FBXL7: variants seen among roughly 807,000 people sequenced by gnomAD.
FBXL7 encodes the protein F-box/LRR-repeat protein 7.
A neutral mutation model predicts 38.3 loss-of-function variants in FBXL7; 12 were observed. The observed-to-expected ratio is 0.31, with a 90% CI of 0.20 to 0.51. The LOEUF (loss-of-function observed/expected upper bound fraction) is 0.51, where lower values mean the gene tolerates loss of function less well. Ranked by LOEUF, FBXL7 falls within the 20% of genes least tolerant of loss-of-function variation. The pLI is 0.98. For missense variants in FBXL7, 567 were observed against 676.4 expected, an observed-to-expected ratio of 0.84 and a Z score of 1.79; for synonymous variants, 297 against 300.9, an observed-to-expected ratio of 0.99 and a Z score of 0.13.
At chr5:15,887,494 T>C (rs566267080) in intron 2 of FBXL7, among the ~76,000 whole-genome samples, 2 of 152,234 alleles carry the variant, frequency 1.3e-5, no homozygotes, top group East Asian at 1.9e-4. Flanking sequence ...GGGATTTAAG[T>C]CTGAGAAAGC....
intron 2 of FBXL7, among the ~76,000 whole-genome samples, chr5:15,674,201 A>C (rs1742578315): frequency 6.6e-6 from 1 of 152,216 alleles, no homozygotes; most frequent in Admixed American, 6.5e-5. Flanking sequence ...GCCTGGGATC[A>C]CGCCAGGCTC....
At chr5:15,567,636 T>G (rs1221593620) in intron 1 of FBXL7, among the ~76,000 whole-genome samples, 1 of 152,032 alleles carries the variant, frequency 6.6e-6, no homozygotes, top group Non-Finnish European at 1.5e-5. Flanking sequence ...AGGGTACATG[T>G]GGACAACGTG....
intron 2 of FBXL7, among the ~76,000 whole-genome samples, chr5:15,649,815 C>G (rs760551647): frequency 3.3e-5 from 5 of 151,746 alleles, no homozygotes; most frequent in Non-Finnish European, 7.4e-5. Context: ...TTCTGATTAT[C>G]TCTAATTTCT....
chr5:15,599,790 CTTGT>C (rs143088196), intron 1 of FBXL7, among the ~76,000 whole-genome samples: 37,924 of 151,940 alleles, frequency 0.25, 4,811 homozygotes, highest in Middle Eastern at 0.33. Context: ...GGTAGGAAAA[CTTGT>C]TTGTTATGTC....
In FBXL7 at chr5:15,828,456, G is replaced by A. The variant is rs974511981; in HGVS notation, c.128-99434G>A. On this transcript the variant is annotated intron_variant, in intron 2 of 3. Transcript: ENST00000504595. Reference sequence around the variant, plus strand: ...GTATTTAATCTGGCAATCTTAAGTTGAATGAATGAATGAACCCTAGTTGAA... The same window carrying A: ...GTATTTAATCTGGCAATCTTAAGTTAAATGAATGAATGAACCCTAGTTGAA... Among the ~76,000 whole-genome samples the A allele has an allele frequency of 1.3e-5, 2 of 152,162 alleles. 1 individual carries two copies. Among genetic ancestry groups the A allele is most frequent in the Non-Finnish European group, 2.9e-5 (2 of 68,026 alleles).
At chr5:15,518,718 C>T (rs1240949089) in intron 1 of FBXL7, among the ~76,000 whole-genome samples, 3 of 152,224 alleles carry the variant, frequency 2.0e-5, no homozygotes, top group South Asian at 2.1e-4. Context: ...CTGAGTTTCC[C>T]TTAAGTTGGT....
intron 2 of FBXL7, among the ~76,000 whole-genome samples, chr5:15,712,098 CA>C (rs1743892623): frequency 6.6e-6 from 1 of 152,120 alleles, no homozygotes; most frequent in Non-Finnish European, 1.5e-5. Context: ...TTATCTTTCA[CA>C]GAAGCAGATA....
At chr5:15,639,541 C>A (rs1741291583) in intron 2 of FBXL7, among the ~76,000 whole-genome samples, 1 of 151,942 alleles carries the variant, frequency 6.6e-6, no homozygotes, top group African/African-American at 2.4e-5. Context: ...TGAGGCCTCC[C>A]CAGCCACGTG....
chr5:15,725,181 T>G (rs1333629857), intron 2 of FBXL7, among the ~76,000 whole-genome samples: 1 of 152,210 alleles, frequency 6.6e-6, no homozygotes, highest in Non-Finnish European at 1.5e-5. Context: ...TAGCTTTGCA[T>G]TTAGTTTATA....
chr5:15,874,148 A>G (rs1740097257), intron 2 of FBXL7, among the ~76,000 whole-genome samples: 2 of 152,222 alleles, frequency 1.3e-5, no homozygotes. Flanking sequence ...CCATCACATA[A>G]ACAGAACCAA....
chr5:15,749,102 G>A (rs773301397), intron 2 of FBXL7, among the ~76,000 whole-genome samples: 6 of 151,668 alleles, frequency 4.0e-5, no homozygotes, highest in South Asian at 4.2e-4. Flanking sequence ...AAAATTAGCC[G>A]GGCATGGTGG....
intron 2 of FBXL7, among the ~76,000 whole-genome samples, chr5:15,781,480 A>C (rs975410800): frequency 5.3e-5 from 8 of 151,496 alleles, no homozygotes; most frequent in African/African-American, 1.9e-4. Context: ...TTGAGTGTGT[A>C]GTATAAGAGT....
chr5:15,557,263 A>T (rs771343763), intron 1 of FBXL7, among the ~76,000 whole-genome samples: 2 of 152,180 alleles, frequency 1.3e-5, no homozygotes, highest in Non-Finnish European at 2.9e-5. Flanking sequence ...TTCAACCTGA[A>T]ATACATTCAG....
chr5:15,892,560 C>G (rs1413484873), intron 2 of FBXL7, among the ~76,000 whole-genome samples: 3 of 152,118 alleles, frequency 2.0e-5, no homozygotes, highest in African/African-American at 7.2e-5. Context: ...GAAATTGATT[C>G]CACTGTGCTT....
rs141894334 is a variant in FBXL7 at position 15,573,696 on chromosome 5, G to C, written c.38-42287G>C. On this transcript the variant is annotated intron_variant, in intron 1 of 3. Coordinates refer to ENST00000504595, the MANE Select transcript of FBXL7 (RefSeq NM_012304.5). Reference sequence around the variant, plus strand: ...TAGTTTCTGTTGTTAGGGAATGCTCGGGTCACTTAATCAGATACTCTGCTT... The same window carrying C: ...TAGTTTCTGTTGTTAGGGAATGCTCCGGTCACTTAATCAGATACTCTGCTT... Among the ~76,000 whole-genome samples, 520 of 152,232 alleles carry C rather than the reference G, an allele frequency of 3.4e-3. 2 individuals carry two copies. The highest frequency in any genetic ancestry group is 0.012 in the African/African-American group (496 of 41,536).
At chr5:15,529,309 G>A (rs1259946913) in intron 1 of FBXL7, among the ~76,000 whole-genome samples, 2 of 151,848 alleles carry the variant, frequency 1.3e-5, no homozygotes, top group South Asian at 2.1e-4. Context: ...TTCTTTACTC[G>A]TCCATCCAAT....
chr5:15,651,100 C>CTTTTTTTTTTT (rs1430797556), intron 2 of FBXL7, among the ~76,000 whole-genome samples: 1 of 128,318 alleles, frequency 7.8e-6, no homozygotes, highest in Admixed American at 7.9e-5. Context: ...TTTTTTTTTT[C>CTTTTTTTTTTT]TTTTTTTTTT....
chr5:15,802,301 C>A (rs563958592), intron 2 of FBXL7, among the ~76,000 whole-genome samples: 22 of 152,146 alleles, frequency 1.4e-4, no homozygotes, highest in African/African-American at 4.8e-4. Flanking sequence ...ATGTCAGGTC[C>A]CTGCTTAAAA....
intron 2 of FBXL7, among the ~76,000 whole-genome samples, chr5:15,835,382 A>T (rs765625682): frequency 2.6e-5 from 4 of 152,258 alleles, no homozygotes; most frequent in Non-Finnish European, 5.9e-5. Flanking sequence ...AATCTTATTT[A>T]GAATTATAAT....
Sources: allele counts gnomAD v4.1 joint callset (sites outside exome capture counted in the v4.1 genomes callset), GRCh38; gene constraint gnomAD v4.1.1; transcripts MANE v1.5; gene names NCBI Gene and HGNC (gene_info 2026-07-23, HGNC 2026-07-21).